Variants in RBMS3 observed in about 807,000 individuals in gnomAD.
RBMS3 encodes RNA-binding motif, single-stranded-interacting protein 3.
A neutral mutation model predicts 66.8 loss-of-function variants in RBMS3; 27 were observed. The ratio of observed to expected loss-of-function variants is 0.40; its 90% CI spans 0.30 to 0.56. The LOEUF is 0.56. RBMS3 is among the 20% of genes least tolerant of loss of function. RBMS3 has a pLI of 0.40. For synonymous variants in RBMS3, 188 were observed against 183.0 expected, an observed-to-expected ratio of 1.03 and a Z score of -0.22; for missense variants, 513 against 549.5, an observed-to-expected ratio of 0.93 and a Z score of 0.66.
At chr3:29,307,325 A>G (rs2034078611) in intron 1 of RBMS3, among the ~76,000 whole-genome samples, 1 of 151,964 alleles carries the variant, frequency 6.6e-6, no homozygotes, top group Non-Finnish European at 1.5e-5. Flanking sequence ...ATTGCTTATA[A>G]GCAATTACAT....
At chr3:29,523,370 G>A (rs1293737614) in intron 3 of RBMS3, among the ~76,000 whole-genome samples, 1 of 152,010 alleles carries the variant, frequency 6.6e-6, no homozygotes, top group Non-Finnish European at 1.5e-5. Flanking sequence ...ACTTGGGTGT[G>A]TTTTCCAAAC....
intron 4 of RBMS3, among the ~76,000 whole-genome samples, chr3:29,736,245 T>G (rs1452016443): frequency 6.6e-6 from 1 of 152,234 alleles, no homozygotes; most frequent in Non-Finnish European, 1.5e-5. Flanking sequence ...GTCATATTCT[T>G]TCTGTGAATA....
At chr3:29,608,725 G>A (rs1466003819) in intron 4 of RBMS3, among the ~76,000 whole-genome samples, 2 of 151,964 alleles carry the variant, frequency 1.3e-5, no homozygotes, top group African/African-American at 2.4e-5. Flanking sequence ...AACTGCTTAG[G>A]GAAAGTATAG....
rs1199975605 is a variant in RBMS3 at position 29,928,180 on chromosome 3, T to TTATATA, written c.940-7879_940-7874dup. On this transcript the variant is annotated intron_variant, in intron 10 of 14. Coordinates refer to ENST00000383767, the MANE Select transcript of RBMS3 (RefSeq NM_001003793.3). ...AAACTGGTCTGCTCCTCTTCAAATT[T>TTATATA]TATATATATATATATATATATATAT... Among the ~76,000 whole-genome samples the TTATATA allele has an allele frequency of 8.2e-3, 835 of 102,374 alleles. 6 individuals carry two copies. Among genetic ancestry groups the TTATATA allele is most frequent in the African/African-American group, 0.024 (582 of 24,464 alleles). The allele number at this position is 102,374 out of a possible 152,430, so 67.2% of individuals were successfully genotyped here. A position where few individuals can be genotyped will look rare whatever the true frequency, so the allele number is the denominator to read the frequency against.
intron 1 of RBMS3, among the ~76,000 whole-genome samples, chr3:29,326,773 C>T (rs565336739): frequency 6.6e-6 from 1 of 151,544 alleles, no homozygotes; most frequent in East Asian, 1.9e-4. Context: ...GCTGTGTCGC[C>T]AGGCTGGAGT....
At chr3:29,563,677 A>G (rs562496941) in intron 3 of RBMS3, among the ~76,000 whole-genome samples, 98 of 152,322 alleles carry the variant, frequency 6.4e-4, no homozygotes, top group African/African-American at 2.3e-3. Context: ...ATAACTTTTT[A>G]AAAAAACTTC....
intron 4 of RBMS3, among the ~76,000 whole-genome samples, chr3:29,672,725 A>G (rs60986081): frequency 0.078 from 11,939 of 152,248 alleles, 834 homozygotes; most frequent in African/African-American, 0.18. Context: ...CAATTCAACA[A>G]GAAGAGCTAT....
At chr3:29,989,249 C>T (rs1220228160) in intron 13 of RBMS3, among the ~76,000 whole-genome samples, 2 of 152,142 alleles carry the variant, frequency 1.3e-5, no homozygotes, top group African/African-American at 4.8e-5. Context: ...ATGCCCTCTA[C>T]ACATCATTTT....
intron 1 of RBMS3, chr3:29,290,839 T>C (rs896916969): frequency 1.5e-4 from 23 of 151,962 alleles, no homozygotes; most frequent in African/African-American, 3.4e-4. Context: ...CCTGTAACAA[T>C]AGACGCTTTT....
chr3:29,442,221 C>T (rs980975759), intron 2 of RBMS3, among the ~76,000 whole-genome samples: 4 of 151,558 alleles, frequency 2.6e-5, no homozygotes, highest in Non-Finnish European at 4.4e-5. Flanking sequence ...CATTTTTTTG[C>T]CGACTATAGT....
At chr3:29,550,502 G>T (rs1394155176) in intron 3 of RBMS3, among the ~76,000 whole-genome samples, 1 of 152,014 alleles carries the variant, frequency 6.6e-6, no homozygotes, top group Non-Finnish European at 1.5e-5. Context: ...AAAGTTTTCA[G>T]TATTCAAATA....
At chr3:29,316,347 T>C (rs1421488647) in intron 1 of RBMS3, among the ~76,000 whole-genome samples, 1 of 151,816 alleles carries the variant, frequency 6.6e-6, no homozygotes, top group Non-Finnish European at 1.5e-5. Context: ...ATGAATCTGT[T>C]CATTAAAATT....
intron 1 of RBMS3, among the ~76,000 whole-genome samples, chr3:29,326,566 T>C (rs2035346974): frequency 6.6e-6 from 1 of 152,146 alleles, no homozygotes; most frequent in Admixed American, 6.5e-5. Context: ...AGATATTTGT[T>C]TATGTGGCTA....
intron 4 of RBMS3, among the ~76,000 whole-genome samples, chr3:29,631,968 C>A (rs2049298611): frequency 6.6e-6 from 1 of 151,884 alleles, no homozygotes; most frequent in African/African-American, 2.4e-5. Context: ...ATTTGCATGC[C>A]AACCAGAAGA....
chr3:30,000,897 G>A (rs1235250316), intron 14 of RBMS3, among the ~76,000 whole-genome samples: 1 of 151,980 alleles, frequency 6.6e-6, no homozygotes, highest in African/African-American at 2.4e-5. Flanking sequence ...GGGAGTGGGG[G>A]ACTAAGGAAG....
chr3:29,958,780 G>A lies in RBMS3; in HGVS notation c.1098+14526G>A, dbSNP rs973886256. The stretch of plus-strand genomic sequence containing the variant: ...TAACTTTTCTTAGCAGTCTCACCAA[G>A]AGTGAAATGCTGTTAGTGGGCTAAA... On this transcript the variant is annotated intron_variant, in intron 12 of 14. Transcript: ENST00000383767. 8.5e-5 allele frequency among the ~76,000 whole-genome samples: 13 copies of A among 152,290 alleles called. No individual in the cohort carries two copies. The East Asian group carries it at 2.5e-3, about 29-fold the overall frequency.
At chr3:29,467,483 G>C (rs1411641220) in intron 2 of RBMS3, among the ~76,000 whole-genome samples, 1 of 152,110 alleles carries the variant, frequency 6.6e-6, no homozygotes, top group African/African-American at 2.4e-5. Flanking sequence ...TATCCTTAGT[G>C]ATCTAATTAA....
chr3:29,638,876 G>C (rs1416062593), intron 4 of RBMS3, among the ~76,000 whole-genome samples: 2 of 151,666 alleles, frequency 1.3e-5, no homozygotes, highest in East Asian at 3.9e-4. Flanking sequence ...GCTTCGAGCT[G>C]GAAAATTTTC....
intron 3 of RBMS3, among the ~76,000 whole-genome samples, chr3:29,540,483 T>C (rs1576167599): frequency 6.6e-6 from 1 of 152,176 alleles, no homozygotes; most frequent in African/African-American, 2.4e-5. Context: ...GTTTGTAACA[T>C]CCTGGATAGT....
Sources: allele counts gnomAD v4.1 joint callset (sites outside exome capture counted in the v4.1 genomes callset), GRCh38; gene constraint gnomAD v4.1.1; transcripts MANE v1.5; gene names NCBI Gene and HGNC (gene_info 2026-07-23, HGNC 2026-07-21).